Variants in GMDS observed in about 807,000 individuals in gnomAD.
GMDS encodes GDP-mannose 4,6 dehydratase.
In GMDS, 20 loss-of-function variants were observed where a neutral mutation model predicts 49.9. The observed-to-expected ratio is 0.40, with a 90% CI of 0.28 to 0.58. GMDS has a LOEUF of 0.58. GMDS is among the 20% of genes least tolerant of loss of function. The pLI, the probability that GMDS is intolerant of heterozygous loss-of-function variation, is 0.42. For missense variants in GMDS, 362 were observed against 481.4 expected (o/e 0.75, Z 2.32); for synonymous variants, 177 against 178.6 (o/e 0.99, Z 0.07).
intron 6 of GMDS, among the ~76,000 whole-genome samples, chr6:1,940,357 T>G (rs1762766412): frequency 6.6e-6 from 1 of 152,272 alleles, no homozygotes; most frequent in African/African-American, 2.4e-5. Flanking sequence ...TGGACAATAT[T>G]CATTGGAAAA....
intron 1 of GMDS, among the ~76,000 whole-genome samples, chr6:2,208,361 T>G (rs1169487625): frequency 4.6e-5 from 7 of 152,188 alleles, no homozygotes; most frequent in Admixed American, 4.6e-4. Context: ...CATTCAATAT[T>G]CCGTTTTACA....
In GMDS at chr6:1,715,029, C is replaced by T. The variant is rs144467662; in HGVS notation, c.987+11387G>A. Among the ~76,000 whole-genome samples the T allele has an allele frequency of 9.9e-5, 15 of 151,818 alleles. 1 individual carries two copies. The highest frequency in any genetic ancestry group is 4.2e-4 in the South Asian group (2 of 4,804). ...AAAGGTGCAGAGGGAAGTGGAGAAA[C>T]GAACAGAACCTATGAAAATAAGAGT... On this transcript the variant is annotated intron_variant, in intron 9 of 10. Coordinates refer to ENST00000380815, the MANE Select transcript of GMDS (RefSeq NM_001500.4).
intron 4 of GMDS, among the ~76,000 whole-genome samples, chr6:2,050,647 G>A (rs148061526): frequency 0.2 from 30,599 of 152,050 alleles, 3,501 homozygotes; most frequent in Non-Finnish European, 0.24. Context: ...CTGGCAAACC[G>A]AATCCAGTAG....
At chr6:2,162,238 C>A (rs1305936182) in intron 1 of GMDS, among the ~76,000 whole-genome samples, 12 of 152,164 alleles carry the variant, frequency 7.9e-5, no homozygotes. Context: ...AGGTTCTAAT[C>A]ATGCTTCTGC....
intron 4 of GMDS, among the ~76,000 whole-genome samples, chr6:1,966,494 T>C (rs1283740991): frequency 6.6e-6 from 1 of 152,148 alleles, no homozygotes; most frequent in Non-Finnish European, 1.5e-5. Context: ...TGGCATCAAG[T>C]CTCCAGGCTC....
At chr6:2,163,353 A>C (rs759880452) in intron 1 of GMDS, among the ~76,000 whole-genome samples, 1 of 152,224 alleles carries the variant, frequency 6.6e-6, no homozygotes, top group Non-Finnish European at 1.5e-5. Context: ...CAGGAGAGGC[A>C]AACACTAAAT....
chr6:2,064,359 A>G (rs1771395947), intron 4 of GMDS, among the ~76,000 whole-genome samples: 1 of 152,202 alleles, frequency 6.6e-6, no homozygotes, highest in South Asian at 2.1e-4. Context: ...AGGCCAATAG[A>G]AGGTTTACAA....
chr6:1,959,871 T>G lies in GMDS; in HGVS notation c.639A>C (p.Arg213Ser), dbSNP rs1184899284. The G allele has an allele frequency of 6.4e-7, 1 of 1,568,980 alleles. No homozygotes were observed. Among genetic ancestry groups the G allele is most frequent in the African/African-American group, 1.4e-5 (1 of 73,712 alleles). ...NGILFNHESP[R>S]RGANFVTRKI... ...TCAGTTAATATATTTACTGACCTCT[T>G]CTGGGACTCTCATGATTGAAGAGAA... Residue 213 changes from arginine (R) to serine (S), a missense_variant, in exon 6 of 11, where the codon AGA becomes AGC. Physicochemically the swap from Arg to Ser is moderately radical, Grantham distance 110. Coordinates refer to ENST00000380815, the MANE Select transcript of GMDS (RefSeq NM_001500.4).
At chr6:2,163,302 CA>C (rs1284349891) in intron 1 of GMDS, among the ~76,000 whole-genome samples, 3 of 152,162 alleles carry the variant, frequency 2.0e-5, no homozygotes, top group African/African-American at 7.2e-5. Context: ...TTTCCAAGCC[CA>C]CTCACATCAT....
chr6:1,866,800 C>G (rs967465207), intron 7 of GMDS, among the ~76,000 whole-genome samples: 3 of 151,930 alleles, frequency 2.0e-5, no homozygotes, highest in Non-Finnish European at 4.4e-5. Context: ...CCACACAGTG[C>G]CCCCCCGGGG....
chr6:1,858,343 G>A (rs1758031937), intron 7 of GMDS, among the ~76,000 whole-genome samples: 1 of 152,018 alleles, frequency 6.6e-6, no homozygotes, highest in South Asian at 2.1e-4. Flanking sequence ...AGTTATAAAC[G>A]CACCAAATAT....
At chr6:2,068,396 G>A (rs910494764) in intron 4 of GMDS, among the ~76,000 whole-genome samples, 310 of 152,040 alleles carry the variant, frequency 2.0e-3, no homozygotes, top group African/African-American at 7.4e-3. Context: ...ATTCAACATA[G>A]TGTTGGAAGT....
intron 4 of GMDS, among the ~76,000 whole-genome samples, chr6:2,003,922 G>GT (rs1766990517): frequency 6.6e-6 from 1 of 152,058 alleles, no homozygotes; most frequent in African/African-American, 2.4e-5. Flanking sequence ...TCCAATGTAG[G>GT]TAATTACATT....
intron 6 of GMDS, among the ~76,000 whole-genome samples, chr6:1,942,396 T>C (rs1413935516): frequency 6.6e-6 from 1 of 152,142 alleles, no homozygotes; most frequent in African/African-American, 2.4e-5. Flanking sequence ...CTACTTCACA[T>C]GGTTCTAATG....
chr6:1,964,421 G>A (rs1477707476), intron 4 of GMDS, among the ~76,000 whole-genome samples: 1 of 152,188 alleles, frequency 6.6e-6, no homozygotes, highest in Non-Finnish European at 1.5e-5. Flanking sequence ...CATTTTGCGA[G>A]TATATATTAT....
intron 9 of GMDS, among the ~76,000 whole-genome samples, chr6:1,719,537 C>A (rs749711882): frequency 6.6e-6 from 1 of 151,778 alleles, no homozygotes; most frequent in Non-Finnish European, 1.5e-5. Flanking sequence ...TCTGTGAAAT[C>A]TCCATGAACA....
chr6:1,814,809 T>C (rs909042128), intron 7 of GMDS, among the ~76,000 whole-genome samples: 2 of 152,218 alleles, frequency 1.3e-5, no homozygotes, highest in Non-Finnish European at 2.9e-5. Flanking sequence ...TAAACCTCTT[T>C]ATATAAAACA....
chr6:1,853,505 G>C lies in GMDS; in HGVS notation c.771+76598C>G, dbSNP rs34148908. ...TGCACTCCAGCCTGGGCGACAGAGC[G>C]AGACTCCGTCTCAAAAAAAAAAAAA... is the stretch of plus-strand genomic sequence containing the variant. On this transcript the variant is annotated intron_variant, in intron 7 of 10. Transcript: ENST00000380815. Among the ~76,000 whole-genome samples, 462 of 126,638 alleles carry C rather than the reference G, an allele frequency of 3.6e-3. 1 individual carries two copies. Among genetic ancestry groups the C allele is most frequent in the Middle Eastern group, 0.01 (2 of 194 alleles). The allele number at this position is 126,638 out of a possible 152,430, so 83.1% of individuals were successfully genotyped here. A position where few individuals can be genotyped will look rare whatever the true frequency, so the allele number is the denominator to read the frequency against.
intron 7 of GMDS, among the ~76,000 whole-genome samples, chr6:1,856,927 G>A (rs991454066): frequency 5.9e-5 from 9 of 152,180 alleles, no homozygotes; most frequent in East Asian, 3.9e-4. Flanking sequence ...TTGCTGGAAG[G>A]ACACCTTGTG....
Sources: gnomAD v4.1 joint callset for allele counts (sites outside exome capture counted in the v4.1 genomes callset) on GRCh38, gnomAD v4.1.1 for gene constraint, MANE v1.5 for transcripts, NCBI Gene and HGNC (gene_info 2026-07-23, HGNC 2026-07-21) for gene names.